Variants in ADAMTS19 observed in about 807,000 individuals in gnomAD.
ADAMTS19 encodes the protein ADAM metallopeptidase with thrombospondin type 1 motif 19.
ADAMTS19 carries 93 observed loss-of-function variants against 153.3 expected under a neutral mutation model. The ratio of observed to expected loss-of-function variants is 0.61; its 90% CI spans 0.51 to 0.72. ADAMTS19 has a LOEUF of 0.72. Among genes scored for constraint, ADAMTS19 ranks in the 30% least tolerant of loss-of-function variants. The probability of loss-of-function intolerance (pLI) is 0.00; values close to 1 mark genes in which losing one functional copy is unlikely to be tolerated. For missense variants in ADAMTS19, 1,482 were observed against 1,552.1 expected (o/e 0.95, Z 0.76); for synonymous variants, 600 against 556.6 (o/e 1.08, Z -1.10).
chr5:129,529,345 G>T (rs1400163269), intron 6 of ADAMTS19, among the ~76,000 whole-genome samples: 1 of 152,052 alleles, frequency 6.6e-6, no homozygotes, highest in African/African-American at 2.4e-5. Context: ...CATCACAGTA[G>T]CGTAAATTAC....
intron 10 of ADAMTS19, among the ~76,000 whole-genome samples, chr5:129,637,712 G>A (rs868651600): frequency 1.1e-4 from 16 of 152,184 alleles, no homozygotes; most frequent in Admixed American, 2.0e-4. Context: ...GGGCATGGTG[G>A]CGGGTGCCTA....
chr5:129,673,857 T>G (rs1293597138), intron 16 of ADAMTS19, among the ~76,000 whole-genome samples: 3 of 152,204 alleles, frequency 2.0e-5, no homozygotes, highest in Admixed American at 2.0e-4. Context: ...TTAATTAATT[T>G]TAATGTAAAT....
At chr5:129,593,138 A>G (rs955847613) in intron 7 of ADAMTS19, among the ~76,000 whole-genome samples, 1 of 152,154 alleles carries the variant, frequency 6.6e-6, no homozygotes, top group Non-Finnish European at 1.5e-5. Flanking sequence ...GAAAGAAACA[A>G]AAGTTGTATA....
chr5:129,562,433 T>C (rs1036910933), intron 7 of ADAMTS19, among the ~76,000 whole-genome samples: 1 of 152,128 alleles, frequency 6.6e-6, no homozygotes, highest in Non-Finnish European at 1.5e-5. Flanking sequence ...GACTAGGCAA[T>C]TTTACCTACC....
intron 2 of ADAMTS19, among the ~76,000 whole-genome samples, chr5:129,471,018 C>T (rs777664512): frequency 2.7e-4 from 35 of 131,142 alleles, no homozygotes; most frequent in Non-Finnish European, 4.6e-4. Flanking sequence ...TGACCATGCT[C>T]CTTGATGTCC....
chr5:129,555,102 CT>C (rs1249487620), intron 7 of ADAMTS19, among the ~76,000 whole-genome samples: 3 of 150,888 alleles, frequency 2.0e-5, no homozygotes, highest in African/African-American at 4.9e-5. Context: ...AGCCATTTTA[CT>C]TTTTTTTTCT....
At chr5:129,522,676 C>A (rs1202683106) in intron 3 of ADAMTS19, among the ~76,000 whole-genome samples, 3 of 151,842 alleles carry the variant, frequency 2.0e-5, no homozygotes, top group Non-Finnish European at 4.4e-5. Flanking sequence ...TTTCCAGCAA[C>A]AGTGGTGGGA....
At chr5:129,585,081 G>A (rs537096262) in intron 7 of ADAMTS19, among the ~76,000 whole-genome samples, 2 of 152,110 alleles carry the variant, frequency 1.3e-5, no homozygotes, top group Non-Finnish European at 2.9e-5. Flanking sequence ...TGGGAAAAGC[G>A]TAGCATTTGG....
intron 2 of ADAMTS19, among the ~76,000 whole-genome samples, chr5:129,493,869 C>T (rs1225863534): frequency 2.0e-5 from 3 of 151,980 alleles, no homozygotes; most frequent in African/African-American, 7.3e-5. Context: ...TGAACTCATT[C>T]TTTATGACAA....
Position 129,728,592 on chromosome 5 carries a change from A to G in ADAMTS19, c.3313-6340A>G, listed in dbSNP as rs937172750. ...AGAGGCCCTTTCCCATAACAGTACTATTGGTTTCCTTTGATCACAAGGCAA... is the reference window on the plus strand; with the variant it reads ...AGAGGCCCTTTCCCATAACAGTACTGTTGGTTTCCTTTGATCACAAGGCAA... On this transcript the variant is annotated intron_variant, in intron 21 of 22. Coordinates refer to ENST00000274487, the MANE Select transcript of ADAMTS19 (RefSeq NM_133638.6). Among the ~76,000 whole-genome samples, 29 of 152,038 alleles carry G rather than the reference A, an allele frequency of 1.9e-4. 1 individual carries two copies. The highest frequency in any genetic ancestry group is 1.8e-3 in the Admixed American group (27 of 15,232).
At chr5:129,551,962 T>G (rs983572936) in intron 7 of ADAMTS19, 55 bp downstream of exon 7, 1 of 1,141,942 alleles carries the variant, frequency 8.8e-7, no homozygotes, top group African/African-American at 1.6e-5. Flanking sequence ...AACATATCAC[T>G]TGTTTAAGTA....
At chr5:129,686,615 T>C (rs181195200) in intron 18 of ADAMTS19, among the ~76,000 whole-genome samples, 146 of 151,246 alleles carry the variant, frequency 9.7e-4, no homozygotes, top group Non-Finnish European at 1.6e-3. Context: ...ACAGGGAGAG[T>C]AAGAGGCTGT....
Position 129,735,082 on chromosome 5 carries a change from G to T in ADAMTS19, c.3463G>T (p.Val1155Leu), listed in dbSNP as rs1193600325. 1 of 1,600,636 alleles carries T rather than the reference G, an allele frequency of 6.2e-7. No individual in the cohort carries two copies. Among genetic ancestry groups the T allele is most frequent in the Non-Finnish European group, 8.5e-7 (1 of 1,174,932 alleles). ...HLQPCNEKIN[V>L]NTITSPRLAA... ...TCAACCCTGCAATGAGAAAATTAAT[G>T]TAAATACCATAACATCACCCAGACT... is the stretch of plus-strand genomic sequence containing the variant. Residue 1155 changes from valine (V) to leucine (L), a missense_variant, in exon 22 of 23, where the codon GTA (valine) becomes TTA (leucine). Around this residue, in one of 2 missense-constraint regions of ADAMTS19, gnomAD observed 616 missense variants for 724.4 expected, o/e 0.85. Coordinates refer to ENST00000274487, the MANE Select transcript of ADAMTS19 (RefSeq NM_133638.6).
rs767391266 is a variant in ADAMTS19, at chr5:129,647,758, G to T, written c.1873-7G>T. ...TTTGTTCACCTAAGACATAACTTTT[G>T]GAATAGTGGTGTAAGGCTGGAGAAT... On this transcript the variant is annotated splice_region_variant and splice_polypyrimidine_tract_variant and intron_variant, in intron 11 of 22. Coordinates refer to ENST00000274487, the MANE Select transcript of ADAMTS19 (RefSeq NM_133638.6). The T allele has an allele frequency of 1.2e-6, 2 of 1,612,864 alleles. No individual in the cohort carries two copies. The highest frequency in any genetic ancestry group is 1.7e-6 in the Non-Finnish European group (2 of 1,179,194).
At chr5:129,515,616 C>G (rs1007944774) in intron 3 of ADAMTS19, among the ~76,000 whole-genome samples, 1 of 151,912 alleles carries the variant, frequency 6.6e-6, no homozygotes, top group Non-Finnish European at 1.5e-5. Context: ...TATAGAAATG[C>G]TAATGATTTT....
chr5:129,660,066 G>T (rs1753754740), intron 15 of ADAMTS19, among the ~76,000 whole-genome samples: 1 of 152,156 alleles, frequency 6.6e-6, no homozygotes, highest in Non-Finnish European at 1.5e-5. Context: ...AGATAAAACA[G>T]TCCTTCAGAA....
At chr5:129,557,362 C>A (rs1753350707) in intron 7 of ADAMTS19, among the ~76,000 whole-genome samples, 1 of 152,118 alleles carries the variant, frequency 6.6e-6, no homozygotes, top group Non-Finnish European at 1.5e-5. Context: ...CTTTGGGAGG[C>A]TGAGGCAGGC....
intron 8 of ADAMTS19, among the ~76,000 whole-genome samples, chr5:129,608,581 G>A (rs934508101): frequency 2.6e-5 from 4 of 152,088 alleles, no homozygotes; most frequent in Non-Finnish European, 5.9e-5. Context: ...TCTAAGAAGA[G>A]AGGATATGCT....
At chr5:129,628,527 AT>A (rs963377097) in intron 10 of ADAMTS19, among the ~76,000 whole-genome samples, 1 of 151,992 alleles carries the variant, frequency 6.6e-6, no homozygotes, top group Non-Finnish European at 1.5e-5. Context: ...GACGGTTGAT[AT>A]TTTTTCCCAA....
Sources: gnomAD v4.1 joint callset for allele counts (sites outside exome capture counted in the v4.1 genomes callset) on GRCh38, gnomAD v4.1.1 for gene constraint, gnomAD v4.1.1 regional missense constraint, MANE v1.5 for transcripts, NCBI Gene and HGNC (gene_info 2026-07-23, HGNC 2026-07-21) for gene names.